Variants in RAB10 observed in about 807,000 individuals in gnomAD.
The protein encoded by RAB10 is ras-related protein Rab-10.
Under a neutral mutation model 25.7 loss-of-function variants are expected in RAB10, and 5 were observed. That is an observed-to-expected ratio of 0.19 (90% CI 0.10 to 0.41). RAB10 has a LOEUF of 0.41. Among genes scored for constraint, RAB10 ranks in the 10% least tolerant of loss-of-function variants. RAB10 has a pLI of 1.00. For missense variants in RAB10, 103 were observed against 245.8 expected, an observed-to-expected ratio of 0.42 and a Z score of 3.89; for synonymous variants, 89 against 86.4, an observed-to-expected ratio of 1.03 and a Z score of -0.16.
intron 1 of RAB10, among the ~76,000 whole-genome samples, chr2:26,055,467 A>T (rs1666240556): frequency 6.7e-6 from 1 of 150,282 alleles, no homozygotes; most frequent in Admixed American, 6.7e-5. Flanking sequence ...GGCTCACTGC[A>T]ACCTCTGCCT....
chr2:26,128,208 C>T (rs562605715), intron 5 of RAB10, among the ~76,000 whole-genome samples: 8 of 152,312 alleles, frequency 5.3e-5, no homozygotes, highest in East Asian at 3.9e-4. Context: ...CTAAGGAGCA[C>T]GCAACCTAGA....
chr2:26,083,431 C>CCT (rs1171291436), intron 1 of RAB10, among the ~76,000 whole-genome samples: 21 of 135,294 alleles, frequency 1.6e-4, no homozygotes, highest in African/African-American at 5.5e-4. Flanking sequence ...TCCCCTCTTC[C>CCT]CTCCCCTCCC....
At chr2:26,081,390 A>C (rs538602957) in intron 1 of RAB10, among the ~76,000 whole-genome samples, 1 of 152,256 alleles carries the variant, frequency 6.6e-6, no homozygotes, top group East Asian at 1.9e-4. Flanking sequence ...CCAAAATGCA[A>C]ACAAACCTAA....
At chr2:26,121,445 A>G (rs1406436320) in intron 3 of RAB10, among the ~76,000 whole-genome samples, 3 of 152,178 alleles carry the variant, frequency 2.0e-5, no homozygotes. Flanking sequence ...CAGCCTCCCA[A>G]GAAGCTGGGA....
At chr2:26,037,163 G>T (rs898883123) in intron 1 of RAB10, among the ~76,000 whole-genome samples, 1 of 152,158 alleles carries the variant, frequency 6.6e-6, no homozygotes, top group Non-Finnish European at 1.5e-5. Flanking sequence ...TTTGTAAAGG[G>T]TGCATGCCCC....
At chr2:26,063,845 TG>T (rs1460956920) in intron 1 of RAB10, among the ~76,000 whole-genome samples, 3 of 152,236 alleles carry the variant, frequency 2.0e-5, no homozygotes, top group Non-Finnish European at 4.4e-5. Context: ...TCGCCCAGGC[TG>T]GAGTGCAGTG....
At chr2:26,065,471 G>A (rs1450280210) in intron 1 of RAB10, among the ~76,000 whole-genome samples, 1 of 144,648 alleles carries the variant, frequency 6.9e-6, no homozygotes, top group African/African-American at 2.6e-5. Flanking sequence ...AACAACTACA[G>A]TTTGCCAAAG....
intron 1 of RAB10, among the ~76,000 whole-genome samples, chr2:26,052,705 A>AT (rs1269616266): frequency 6.6e-6 from 1 of 151,816 alleles, no homozygotes; most frequent in Admixed American, 6.6e-5. Context: ...ATTTAATCTT[A>AT]TTTTTTCAAA....
chr2:26,059,980 A>G lies in RAB10; in HGVS notation c.127+25245A>G, dbSNP rs542561615. On this transcript the variant is annotated intron_variant, in intron 1 of 5. Transcript: ENST00000264710. Reference sequence around the variant, plus strand: ...ATTGTCATAACTAGGTTGGGATTGCATAGCATAGTTCAGGCCATACCATCA... The same window carrying G: ...ATTGTCATAACTAGGTTGGGATTGCGTAGCATAGTTCAGGCCATACCATCA... 4.6e-5 allele frequency among the ~76,000 whole-genome samples: 7 copies of G among 152,364 alleles called. No individual in the cohort carries two copies. In the South Asian group the frequency reaches 1.4e-3, roughly 32 times the overall value.
intron 1 of RAB10, among the ~76,000 whole-genome samples, chr2:26,047,661 C>T (rs1193341714): frequency 6.6e-6 from 1 of 150,482 alleles, no homozygotes. Flanking sequence ...AGGTGATCTG[C>T]CTTGCCTGCC....
rs1404711249 is a variant in RAB10, at chr2:26,088,786, A to C, written c.128-9876A>C. Among the ~76,000 whole-genome samples the C allele has an allele frequency of 3.3e-5, 5 of 151,704 alleles. No individual in the cohort carries two copies. In the East Asian group the frequency reaches 9.8e-4, roughly 30 times the overall value. On this transcript the variant is annotated intron_variant, in intron 1 of 5. Coordinates refer to ENST00000264710, the MANE Select transcript of RAB10 (RefSeq NM_016131.5). ...ATTACAGGCGCCCGCCACCATACCC[A>C]GCCAATTTTTGTATTTTTAGTAGAC...
At chr2:26,102,370 C>A (rs1053049447) in intron 2 of RAB10, among the ~76,000 whole-genome samples, 1 of 150,308 alleles carries the variant, frequency 6.7e-6, no homozygotes, top group African/African-American at 2.5e-5. Flanking sequence ...TTTTCCAGGG[C>A]AGATCTATAT....
Position 26,135,047 on chromosome 2 carries a change from A to G in RAB10, c.*26A>G, listed in dbSNP as rs371382505. ...GCATTCTCCTGTTCCATCAGTTGCCATCCACTACCCCGTTTTCTCTTCTTG... is the reference window on the plus strand; with the variant it reads ...GCATTCTCCTGTTCCATCAGTTGCCGTCCACTACCCCGTTTTCTCTTCTTG... On this transcript the variant is annotated 3_prime_UTR_variant, in exon 6 of 6. Coordinates refer to ENST00000264710, the MANE Select transcript of RAB10 (RefSeq NM_016131.5). 8.2e-5 allele frequency: 129 copies of G among 1,570,294 alleles called. No homozygotes were observed. The highest frequency in any genetic ancestry group is 1.0e-4 in the Non-Finnish European group (119 of 1,142,888).
At chr2:26,111,091 G>A (rs937301167) in intron 3 of RAB10, among the ~76,000 whole-genome samples, 2 of 152,164 alleles carry the variant, frequency 1.3e-5, no homozygotes, top group African/African-American at 4.8e-5. Flanking sequence ...GTTAAGAGTT[G>A]TTTTTCATGC....
At chr2:26,125,670 G>A (rs1020425913) in intron 3 of RAB10, among the ~76,000 whole-genome samples, 2 of 151,736 alleles carry the variant, frequency 1.3e-5, no homozygotes, top group African/African-American at 2.4e-5. Flanking sequence ...GGCTAGTCTC[G>A]AACTCCTGGG....
At chr2:26,084,054 C>A (rs540130311) in intron 1 of RAB10, among the ~76,000 whole-genome samples, 9 of 152,264 alleles carry the variant, frequency 5.9e-5, no homozygotes, top group African/African-American at 2.2e-4. Context: ...GCTCAAAATG[C>A]TCCCTGTGTT....
intron 1 of RAB10, among the ~76,000 whole-genome samples, chr2:26,097,521 G>A (rs1029954334): frequency 3.9e-5 from 6 of 152,080 alleles, no homozygotes; most frequent in Non-Finnish European, 5.9e-5. Context: ...CAGGTGATCC[G>A]CCTGCCTTGG....
intron 1 of RAB10, among the ~76,000 whole-genome samples, chr2:26,038,615 CTG>C (rs1364583433): frequency 6.6e-6 from 1 of 152,030 alleles, no homozygotes; most frequent in Non-Finnish European, 1.5e-5. Context: ...TGTATTAGCT[CTG>C]TGCACAGGTT....
intron 1 of RAB10, among the ~76,000 whole-genome samples, chr2:26,036,509 A>C (rs2149259583): frequency 6.6e-6 from 1 of 152,042 alleles, no homozygotes; most frequent in South Asian, 2.1e-4. Context: ...AAATACAAAA[A>C]TTAGCTGGGC....
Sources: gnomAD v4.1 joint callset for allele counts (sites outside exome capture counted in the v4.1 genomes callset) on GRCh38, gnomAD v4.1.1 for gene constraint, MANE v1.5 for transcripts, NCBI Gene and HGNC (gene_info 2026-07-23, HGNC 2026-07-21) for gene names.